Variants in GALNT17 observed in about 807,000 individuals in gnomAD.
GALNT17 encodes the protein polypeptide N-acetylgalactosaminyltransferase 17.
In GALNT17, 29 loss-of-function variants were observed where a neutral mutation model predicts 63.7. That is an observed-to-expected ratio of 0.46 (90% confidence interval 0.34 to 0.62). The LOEUF is 0.62. GALNT17 is among the 20% of genes least tolerant of loss of function. GALNT17 has a pLI of 0.01. For missense variants in GALNT17, 603 were observed against 799.6 expected (o/e 0.75, Z 2.97); for synonymous variants, 305 against 318.3 (o/e 0.96, Z 0.45).
intron 6 of GALNT17, among the ~76,000 whole-genome samples, chr7:71,591,050 C>T (rs558525320): frequency 4.0e-5 from 6 of 151,808 alleles, no homozygotes; most frequent in African/African-American, 1.5e-4. Flanking sequence ...CATGAGCCAC[C>T]GCGCCTGGCC....
intron 5 of GALNT17, among the ~76,000 whole-genome samples, chr7:71,449,108 C>CTTTTTTTTGTTTTT (rs1787211523): frequency 1.4e-5 from 1 of 72,754 alleles, no homozygotes; most frequent in East Asian, 4.8e-4. Context: ...TGCCTATTTT[C>CTTTTTTTTGTTTTT]TTTTTTTTTT....
At chr7:71,665,189 C>G (rs1452241511) in intron 6 of GALNT17, among the ~76,000 whole-genome samples, 2 of 152,140 alleles carry the variant, frequency 1.3e-5, no homozygotes, top group Non-Finnish European at 2.9e-5. Context: ...GTTAGCCAGG[C>G]TGGTCTCCAA....
chr7:71,229,617 A>T (rs1366275554), intron 1 of GALNT17, among the ~76,000 whole-genome samples: 1 of 152,166 alleles, frequency 6.6e-6, no homozygotes, highest in Non-Finnish European at 1.5e-5. Flanking sequence ...TGTGAAGAGG[A>T]ATCTCCCAGC....
chr7:71,693,897 T>G (rs1439597392), intron 9 of GALNT17, among the ~76,000 whole-genome samples: 3 of 151,688 alleles, frequency 2.0e-5, no homozygotes, highest in Admixed American at 2.0e-4. Context: ...TATTCAATGG[T>G]GGGTGAGGTC....
rs181856269 is a variant in GALNT17, at chr7:71,701,009, C to T, written c.1501-9752C>T. ...AACAAAAAAGTTAAGCAAACACACC[C>T]CTGCCTTCATGCCACTCTCATTCTA... On this transcript the variant is annotated intron_variant, in intron 9 of 10. Transcript: ENST00000333538. Among the ~76,000 whole-genome samples the T allele has an allele frequency of 1.2e-4, 19 of 152,272 alleles. No individual in the cohort carries two copies. In the East Asian group the frequency reaches 2.9e-3, roughly 23 times the overall value.
chr7:71,228,412 G>A (rs1392208855), intron 1 of GALNT17, among the ~76,000 whole-genome samples: 1 of 152,156 alleles, frequency 6.6e-6, no homozygotes, highest in African/African-American at 2.4e-5. Context: ...CCTTGAATTT[G>A]TTTCCTGTAG....
At chr7:71,658,614 G>A (rs887461474) in intron 6 of GALNT17, among the ~76,000 whole-genome samples, 13 of 152,092 alleles carry the variant, frequency 8.5e-5, no homozygotes, top group African/African-American at 3.1e-4. Context: ...TCGGCCAGGT[G>A]CGGTGGCTCA....
chr7:71,501,045 C>G (rs1441561395), intron 5 of GALNT17, among the ~76,000 whole-genome samples: 1 of 152,194 alleles, frequency 6.6e-6, no homozygotes, highest in African/African-American at 2.4e-5. Context: ...TCTTAGCTCA[C>G]TGCAACTTCT....
At chr7:71,693,707 G>T (rs1345519847) in intron 9 of GALNT17, among the ~76,000 whole-genome samples, 1 of 151,536 alleles carries the variant, frequency 6.6e-6, no homozygotes, top group African/African-American at 2.4e-5. Context: ...AATAGCTAAT[G>T]GGTACTAGGC....
rs551011145 is a variant in GALNT17 at position 71,477,659 on chromosome 7, G to A, written c.962+56554G>A. ...AGCTATGATCGCATCACTGCACTCC[G>A]GCCTGGGCAACAGGCCAAGATCCTG... On this transcript the variant is annotated intron_variant, in intron 5 of 10. Coordinates refer to ENST00000333538, the MANE Select transcript of GALNT17 (RefSeq NM_022479.3). Among the ~76,000 whole-genome samples the A allele has an allele frequency of 1.1e-4, 17 of 152,140 alleles. No individual in the cohort carries two copies. The East Asian group carries it at 2.9e-3, about 26-fold the overall frequency.
intron 5 of GALNT17, among the ~76,000 whole-genome samples, chr7:71,467,329 A>G (rs532917133): frequency 1.4e-3 from 209 of 152,242 alleles, no homozygotes; most frequent in African/African-American, 4.7e-3. Flanking sequence ...AATGTATACC[A>G]TGTTATAGAT....
At position 71,151,186 on chromosome 7, in the gene GALNT17, A is replaced by G. The variant is rs147849145; in HGVS notation, c.238+18146A>G. 3.2e-3 allele frequency among the ~76,000 whole-genome samples: 479 copies of G among 151,962 alleles called. 9 individuals carry two copies. The highest frequency in any genetic ancestry group is 0.011 in the African/African-American group (444 of 41,438). Reference sequence around the variant, plus strand: ...ACCTAAGTGACAGGCCAGGCTGTCTACTCTCCTTTTCTGCCCTTGATTCAT... The same window carrying G: ...ACCTAAGTGACAGGCCAGGCTGTCTGCTCTCCTTTTCTGCCCTTGATTCAT... On this transcript the variant is annotated intron_variant, in intron 1 of 10. Transcript: ENST00000333538.
intron 5 of GALNT17, among the ~76,000 whole-genome samples, chr7:71,524,824 GAAGT>G (rs1229403266): frequency 7.2e-5 from 11 of 152,148 alleles, no homozygotes; most frequent in African/African-American, 2.7e-4. Flanking sequence ...TTGCTTGTGA[GAAGT>G]ATGTGGATGG....
chr7:71,157,092 G>A (rs1010324385), intron 1 of GALNT17, among the ~76,000 whole-genome samples: 1 of 151,782 alleles, frequency 6.6e-6, no homozygotes, highest in African/African-American at 2.4e-5. Flanking sequence ...AAATAGCTGG[G>A]ACTACAGGTG....
At chr7:71,593,219 A>G (rs1232685163) in intron 6 of GALNT17, among the ~76,000 whole-genome samples, 1 of 150,852 alleles carries the variant, frequency 6.6e-6, no homozygotes, top group African/African-American at 2.4e-5. Flanking sequence ...AAGAAGTCTA[A>G]ATGGAAATTT....
intron 6 of GALNT17, among the ~76,000 whole-genome samples, chr7:71,644,546 A>AAAAAC (rs1790648470): frequency 5.0e-5 from 5 of 100,194 alleles, no homozygotes; most frequent in African/African-American, 1.3e-4. Flanking sequence ...AAAAAAAAAA[A>AAAAAC]AAACAAAAGA....
chr7:71,237,557 C>T (rs186429554), intron 1 of GALNT17, among the ~76,000 whole-genome samples: 8 of 149,854 alleles, frequency 5.3e-5, no homozygotes, highest in African/African-American at 1.2e-4. Context: ...TAATTGTGTA[C>T]GCCTGTAGTC....
chr7:71,483,105 TAATC>T (rs1379314630), intron 5 of GALNT17, among the ~76,000 whole-genome samples: 1 of 152,154 alleles, frequency 6.6e-6, no homozygotes. Flanking sequence ...TATAAAAGAC[TAATC>T]ATGCACCTGT....
chr7:71,609,209 T>C (rs1790090031), intron 6 of GALNT17, among the ~76,000 whole-genome samples: 1 of 152,234 alleles, frequency 6.6e-6, no homozygotes, highest in Non-Finnish European at 1.5e-5. Flanking sequence ...TCCCCGGCAT[T>C]GGTTCGTTTA....
Sources: allele counts gnomAD v4.1 joint callset (sites outside exome capture counted in the v4.1 genomes callset), GRCh38; gene constraint gnomAD v4.1.1; transcripts MANE v1.5; gene names NCBI Gene and HGNC (gene_info 2026-07-23, HGNC 2026-07-21).